SCHIP1: variants seen among roughly 807,000 people sequenced by gnomAD.
SCHIP1 encodes schwannomin interacting protein 1.
SCHIP1 carries 8 observed loss-of-function variants against 29.7 expected under a neutral mutation model. The observed-to-expected ratio is 0.27, with a 90% CI of 0.16 to 0.49. SCHIP1 has a LOEUF of 0.49. Among genes scored for constraint, SCHIP1 ranks in the 20% least tolerant of loss-of-function variants. SCHIP1 has a pLI of 0.99. For synonymous variants in SCHIP1, 76 were observed against 94.9 expected, an observed-to-expected ratio of 0.80 and a Z score of 1.16; for missense variants, 193 against 294.6, an observed-to-expected ratio of 0.66 and a Z score of 2.52.
At chr3:159,529,534 A>G in the SCHIP1 span, among the ~76,000 whole-genome samples, 1 of 152,206 alleles carries the variant, frequency 6.6e-6, no homozygotes, top group Non-Finnish European at 1.5e-5. Context: ...CTTTGATGCA[A>G]GCATACAATG....
the SCHIP1 span, chr3:159,275,049 T>G: frequency 9.2e-6 from 9 of 975,172 alleles, no homozygotes; most frequent in South Asian, 3.3e-4. Context: ...TAAATGGTAC[T>G]TACATTTTGA....
the SCHIP1 span, among the ~76,000 whole-genome samples, chr3:159,300,646 A>G: frequency 6.6e-6 from 1 of 152,202 alleles, no homozygotes; most frequent in South Asian, 2.1e-4. Flanking sequence ...TGCACCGACT[A>G]CAATGGCCTG....
chr3:159,448,837 G>A, the SCHIP1 span, among the ~76,000 whole-genome samples: 1 of 152,182 alleles, frequency 6.6e-6, no homozygotes. Context: ...TAGTCCAGGA[G>A]TGGATGGATG....
At chr3:159,667,919 C>T in the SCHIP1 span, among the ~76,000 whole-genome samples, 1,257 of 152,246 alleles carry the variant, frequency 8.3e-3, 22 homozygotes, top group African/African-American at 0.029. Flanking sequence ...TTTTTTAATG[C>T]TGTTTTATTT....
the SCHIP1 span, among the ~76,000 whole-genome samples, chr3:159,644,551 A>G: frequency 2.0e-5 from 3 of 152,074 alleles, no homozygotes; most frequent in Non-Finnish European, 4.4e-5. Context: ...TTTCTTTTAC[A>G]TTGGTGACCA....
At chr3:159,669,427 C>G in the SCHIP1 span, among the ~76,000 whole-genome samples, 1 of 152,142 alleles carries the variant, frequency 6.6e-6, no homozygotes, top group Admixed American at 6.5e-5. Context: ...ATCATTAGAC[C>G]CAGTGTCTAT....
the SCHIP1 span, among the ~76,000 whole-genome samples, chr3:159,595,494 C>A: frequency 0.031 from 4,650 of 152,110 alleles, 161 homozygotes; most frequent in African/African-American, 0.082. Context: ...ATGACCAAGG[C>A]CTGCCTCTGA....
the SCHIP1 span, among the ~76,000 whole-genome samples, chr3:159,297,190 C>T: frequency 9.6e-5 from 13 of 135,536 alleles, no homozygotes; most frequent in African/African-American, 2.4e-4. Flanking sequence ...TTTCTTTATC[C>T]ATTTATCCAT....
chr3:159,504,362 G>C, the SCHIP1 span, among the ~76,000 whole-genome samples: 1 of 152,230 alleles, frequency 6.6e-6, no homozygotes, highest in South Asian at 2.1e-4. Flanking sequence ...ACCTGCCATA[G>C]AATTAGAGGT....
chr3:159,572,319 TG>T, the SCHIP1 span, among the ~76,000 whole-genome samples: 1,977 of 151,706 alleles, frequency 0.013, 47 homozygotes, highest in African/African-American at 0.045. Context: ...TGGTATGTTG[TG>T]TCTTTGTTCT....
the SCHIP1 span, among the ~76,000 whole-genome samples, chr3:159,706,717 A>T: frequency 6.6e-6 from 1 of 152,106 alleles, no homozygotes; most frequent in East Asian, 1.9e-4. Context: ...GCTCGTTACT[A>T]TACTCCCCTG....
intron 2 of SCHIP1, among the ~76,000 whole-genome samples, chr3:159,885,259 G>C (rs972229139): frequency 1.3e-5 from 2 of 152,140 alleles, no homozygotes; most frequent in Non-Finnish European, 2.9e-5. Context: ...CTTTTCTTGC[G>C]TAGGAACCTC....
the SCHIP1 span, among the ~76,000 whole-genome samples, chr3:159,601,406 A>T: frequency 6.6e-6 from 1 of 152,164 alleles, no homozygotes; most frequent in African/African-American, 2.4e-5. Context: ...CTGCTTTAGC[A>T]TGAAGTCTCA....
At chr3:159,755,875 C>CAAA in the SCHIP1 span, among the ~76,000 whole-genome samples, 1 of 152,342 alleles carries the variant, frequency 6.6e-6, no homozygotes, top group East Asian at 1.9e-4. Flanking sequence ...CTTAAAGCTC[C>CAAA]AAAATTATTT....
chr3:159,604,205 TAAG>T, the SCHIP1 span, among the ~76,000 whole-genome samples: 7 of 152,200 alleles, frequency 4.6e-5, no homozygotes, highest in Non-Finnish European at 1.0e-4. Context: ...GAGTGAAACG[TAAG>T]AATAAACCAA....
the SCHIP1 span, among the ~76,000 whole-genome samples, chr3:159,366,202 C>T: frequency 6.6e-6 from 1 of 151,932 alleles, no homozygotes; most frequent in East Asian, 1.9e-4. Context: ...CTGGGAGGCG[C>T]CACACACTTT....
chr3:159,802,660 G>A, the SCHIP1 span, among the ~76,000 whole-genome samples: 1 of 152,218 alleles, frequency 6.6e-6, no homozygotes, highest in East Asian at 1.9e-4. Context: ...GGGAATGACT[G>A]ATGAATCCAT....
chr3:159,621,992 T>C, the SCHIP1 span, among the ~76,000 whole-genome samples: 1 of 152,240 alleles, frequency 6.6e-6, no homozygotes, highest in African/African-American at 2.4e-5. Flanking sequence ...ATAAGGCATC[T>C]GTCTCCAAGC....
chr3:159,484,574 A>T, the SCHIP1 span, among the ~76,000 whole-genome samples: 1 of 152,152 alleles, frequency 6.6e-6, no homozygotes, highest in Non-Finnish European at 1.5e-5. Context: ...ATTTTGTCAT[A>T]ACCCAAAGAA....
Sources: gnomAD v4.1 joint callset for allele counts (sites outside exome capture counted in the v4.1 genomes callset) on GRCh38, gnomAD v4.1.1 for gene constraint, MANE v1.5 for transcripts, NCBI Gene and HGNC (gene_info 2026-07-23, HGNC 2026-07-21) for gene names.